PAXBP1: variants seen among roughly 807,000 people sequenced by gnomAD.
PAXBP1 encodes PAX3- and PAX7-binding protein 1.
A neutral mutation model predicts 119.9 loss-of-function variants in PAXBP1; 44 were observed. The observed-to-expected ratio is 0.37, with a 90% confidence interval of 0.29 to 0.47. PAXBP1 has a LOEUF of 0.47. Among genes scored for constraint, PAXBP1 ranks in the 20% least tolerant of loss-of-function variants. PAXBP1 has a pLI of 0.99. For synonymous variants in PAXBP1, 393 were observed against 406.6 expected, an observed-to-expected ratio of 0.97 and a Z score of 0.40; for missense variants, 898 against 1,134.1, an observed-to-expected ratio of 0.79 and a Z score of 2.99.
chr21:32,755,492 T>C (rs2044029612), intron 7 of PAXBP1, 139 bp from the exon 8 acceptor site: 4 of 1,074,576 alleles, frequency 3.7e-6, no homozygotes, highest in Admixed American at 2.8e-5. Flanking sequence ...AGCACACAAG[T>C]AGCAAATTCT....
rs1423115407 is a variant in PAXBP1, at chr21:32,739,937, TTAAAAAAAA to T, written c.2335-1627_2335-1619del. The stretch of plus-strand genomic sequence containing the variant: ...CTAGGCAACACAAGACCTCGTCTCT[TTAAAAAAAA>T]AAAAAAAAAAAAAAAAAAAAAGGCA... On this transcript the variant is annotated intron_variant, in intron 15 of 17. Transcript: ENST00000331923. Among the ~76,000 whole-genome samples the T allele has an allele frequency of 3.3e-4, 21 of 62,816 alleles. 1 individual carries two copies. The highest frequency in any genetic ancestry group is 8.8e-4 in the Admixed American group (5 of 5,678). 41.2% of individuals were successfully genotyped at this position (62,816 alleles called of 152,430 possible).
At chr21:32,737,463 T>G in intron 16 of PAXBP1, 55 bp from the exon 17 acceptor site, 2 of 1,482,992 alleles carry the variant, frequency 1.3e-6, no homozygotes, top group Non-Finnish European at 1.8e-6. Flanking sequence ...AATTAAAGTA[T>G]TAAAAGCAAA....
At chr21:32,754,935 T>C (rs192772405) in intron 8 of PAXBP1, among the ~76,000 whole-genome samples, 5 of 152,256 alleles carry the variant, frequency 3.3e-5, no homozygotes, top group Non-Finnish European at 4.4e-5. Context: ...GGTTTTAACA[T>C]AAAATACGGA....
At position 32,734,185 on chromosome 21, in the gene PAXBP1, C is replaced by T. The variant is rs1363276049; in HGVS notation, c.*765G>A. The T allele has an allele frequency of 6.6e-6, 1 of 152,596 alleles. No homozygotes were observed. Among genetic ancestry groups the T allele is most frequent in the Non-Finnish European group, 1.5e-5 (1 of 68,028 alleles). The allele number at this position is 152,596 out of a possible 1,614,324, so 9.5% of individuals were successfully genotyped here. A position where few individuals can be genotyped will look rare whatever the true frequency, so the allele number is the denominator to read the frequency against. ...ATGACAGACTACTAAAATTCAAATG[C>T]ATGTATCTGCAAGCTGGGCAGGGAG... On this transcript the variant is annotated 3_prime_UTR_variant, in exon 18 of 18. Coordinates refer to ENST00000331923, the MANE Select transcript of PAXBP1 (RefSeq NM_016631.4).
intron 15 of PAXBP1, among the ~76,000 whole-genome samples, chr21:32,740,323 A>G (rs962300665): frequency 6.6e-6 from 1 of 152,200 alleles, no homozygotes; most frequent in African/African-American, 2.4e-5. Context: ...ATATTGATTG[A>G]TGTCTCGTGT....
intron 2 of PAXBP1, among the ~76,000 whole-genome samples, chr21:32,766,607 G>C (rs1266501994): frequency 1.3e-5 from 2 of 152,220 alleles, no homozygotes; most frequent in Non-Finnish European, 2.9e-5. Flanking sequence ...CAAGGAAGCA[G>C]TGTGGACCTG....
At chr21:32,754,589 T>C (rs1373993923) in intron 8 of PAXBP1, among the ~76,000 whole-genome samples, 1 of 152,250 alleles carries the variant, frequency 6.6e-6, no homozygotes, top group Non-Finnish European at 1.5e-5. Context: ...CATGTCATAA[T>C]GATGGAAGTA....
At chr21:32,752,510 T>G (rs2068636025) in intron 8 of PAXBP1, among the ~76,000 whole-genome samples, 1 of 152,182 alleles carries the variant, frequency 6.6e-6, no homozygotes, top group South Asian at 2.1e-4. Flanking sequence ...GACTTGCATA[T>G]TTTTTTACTT....
At chr21:32,763,147 T>C (rs2044178696) in intron 3 of PAXBP1, among the ~76,000 whole-genome samples, 2 of 152,200 alleles carry the variant, frequency 1.3e-5, no homozygotes, top group South Asian at 2.1e-4. Flanking sequence ...TTTAATGGTT[T>C]AACATTTTCT....
At chr21:32,770,015 T>TA in intron 1 of PAXBP1, 73 bp from the exon 2 acceptor site, 1 of 1,163,008 alleles carries the variant, frequency 8.6e-7, no homozygotes, top group Non-Finnish European at 1.2e-6. Context: ...CACATGATCT[T>TA]ACGTGCTGTC....
intron 7 of PAXBP1, among the ~76,000 whole-genome samples, chr21:32,758,577 G>A (rs2044081134): frequency 1.5e-5 from 2 of 136,240 alleles, no homozygotes; most frequent in Non-Finnish European, 1.6e-5. Context: ...AATGGTTTCT[G>A]AAAGAAATCA....
chr21:32,748,423 A>C (rs958793637), intron 11 of PAXBP1, 76 bp downstream of exon 11: 1 of 1,438,846 alleles, frequency 7.0e-7, no homozygotes, highest in Non-Finnish European at 9.5e-7. Flanking sequence ...GCTTAAGCTT[A>C]CATCTCTAGC....
At chr21:32,762,770 G>C (rs894973890) in intron 3 of PAXBP1, among the ~76,000 whole-genome samples, 8 of 151,782 alleles carry the variant, frequency 5.3e-5, no homozygotes, top group African/African-American at 1.9e-4. Context: ...AATTAGCCAG[G>C]TGTGGTGGCG....
At chr21:32,761,959 A>T in intron 4 of PAXBP1, 137 bp downstream of exon 4, 1 of 825,174 alleles carries the variant, frequency 1.2e-6, no homozygotes, top group Non-Finnish European at 1.9e-6. Context: ...TGACTGTTTG[A>T]GTCCACGAGT....
intron 16 of PAXBP1, 114 bp from the exon 17 acceptor site, chr21:32,737,522 G>A (rs2043710017): frequency 1.2e-6 from 1 of 819,172 alleles, no homozygotes. Flanking sequence ...GTGCTTCTGA[G>A]CTACAGCAAT....
intron 11 of PAXBP1, 75 bp downstream of exon 11, chr21:32,748,424 C>T: frequency 6.9e-7 from 1 of 1,446,146 alleles, no homozygotes; most frequent in African/African-American, 1.4e-5. Context: ...CTTAAGCTTA[C>T]ATCTCTAGCT....
intron 13 of PAXBP1, among the ~76,000 whole-genome samples, chr21:32,744,266 A>G (rs1601588363): frequency 1.3e-5 from 2 of 151,690 alleles, no homozygotes; most frequent in South Asian, 4.2e-4. Context: ...GAGCTAAAAA[A>G]AAAAAAAAAA....
At chr21:32,750,775 G>A (rs2043945741) in intron 10 of PAXBP1, 142 bp downstream of exon 10, 1 of 615,014 alleles carries the variant, frequency 1.6e-6, no homozygotes. Flanking sequence ...CTAATAAAAA[G>A]GCATGCAAAT....
chr21:32,759,378 A>G (rs1222416710), intron 6 of PAXBP1, 109 bp from the exon 7 acceptor site: 1 of 1,063,310 alleles, frequency 9.4e-7, no homozygotes, highest in Non-Finnish European at 1.3e-6. Flanking sequence ...AGAACATAAA[A>G]ATATTTGGAA....
Sources: gnomAD v4.1 joint callset for allele counts (sites outside exome capture counted in the v4.1 genomes callset) on GRCh38, gnomAD v4.1.1 for gene constraint, MANE v1.5 for transcripts, NCBI Gene and HGNC (gene_info 2026-07-23, HGNC 2026-07-21) for gene names.